The following PIK3R2 variants were observed in gnomAD, a reference collection of about 807,000 sequenced individuals.
The protein encoded by PIK3R2 is phosphoinositide-3-kinase regulatory subunit 2, also known as phosphatidylinositol 3-kinase regulatory subunit beta.
A neutral mutation model predicts 78.5 loss-of-function variants in PIK3R2; 40 were observed. The ratio of observed to expected loss-of-function variants is 0.51; its 90% CI spans 0.40 to 0.66. The LOEUF is 0.66. PIK3R2 is among the 30% of genes least tolerant of loss of function. PIK3R2 has a pLI of 0.00. For missense variants in PIK3R2, 880 were observed against 1,026.6 expected, an observed-to-expected ratio of 0.86 and a Z score of 1.95; for synonymous variants, 473 against 457.7, an observed-to-expected ratio of 1.03 and a Z score of -0.43.
At chr19:18,165,574 A>G (rs1289599510) in intron 11 of PIK3R2, among the ~76,000 whole-genome samples, 1 of 152,108 alleles carries the variant, frequency 6.6e-6, no homozygotes, top group Admixed American at 6.6e-5. Flanking sequence ...CATGTTGCCC[A>G]GGCTGGCCTC....
rs2043748485 is a variant in PIK3R2, at chr19:18,161,657, TG to T, written c.815+163del. Among the ~76,000 whole-genome samples, 1 of 152,170 alleles carries T rather than the reference TG, an allele frequency of 6.6e-6. No individual in the cohort carries two copies. The highest frequency in any genetic ancestry group is 6.5e-5 in the Admixed American group (1 of 15,282). ...ATGACGGAGCGGAGACCTGGGCTCCTGAGTCGTGGGACAGAAGGTGAAGGGG... is the reference window on the plus strand; with the variant it reads ...ATGACGGAGCGGAGACCTGGGCTCCTAGTCGTGGGACAGAAGGTGAAGGGG... On this transcript the variant is annotated intron_variant, in intron 6 of 15. Transcript: ENST00000222254. The surrounding 1 kb of genome is among the most constrained non-coding windows in gnomAD (Gnocchi z 5.3).
At chr19:18,157,692 G>A (rs1219039838) in intron 2 of PIK3R2, among the ~76,000 whole-genome samples, 7 of 150,628 alleles carry the variant, frequency 4.6e-5, no homozygotes, top group African/African-American at 7.3e-5. Context: ...CCAACCCACC[G>A]GCCAGAGTGT....
At position 18,167,059 on chromosome 19, in the gene PIK3R2, C is replaced by T; in HGVS notation, c.1560-71C>T. 7.3e-7 allele frequency: 1 copy of T among 1,367,758 alleles called. No individual in the cohort carries two copies. The highest frequency in any genetic ancestry group is 9.7e-7 in the Non-Finnish European group (1 of 1,029,202). The allele number at this position is 1,367,758 out of a possible 1,614,324, so 84.7% of individuals were successfully genotyped here. ...GCTGAGGTAGGAGGGTCACCTGAGCCCAGGAGTTTGAGGGTGCAGTGAGCC... is the reference window on the plus strand; with the variant it reads ...GCTGAGGTAGGAGGGTCACCTGAGCTCAGGAGTTTGAGGGTGCAGTGAGCC... On this transcript the variant is annotated intron_variant, in intron 12 of 15. Coordinates refer to ENST00000222254, the MANE Select transcript of PIK3R2 (RefSeq NM_005027.4). The surrounding 1 kb of genome is among the most constrained non-coding windows in gnomAD (Gnocchi z 4.5).
At chr19:18,165,193 C>G (rs933090681) in intron 11 of PIK3R2, among the ~76,000 whole-genome samples, 1 of 137,998 alleles carries the variant, frequency 7.2e-6, no homozygotes, top group Non-Finnish European at 1.6e-5. Flanking sequence ...CATGGTGAAT[C>G]CCTGTCTCTA....
Position 18,156,147 on chromosome 19 carries a change from C to T in PIK3R2, c.268C>T (p.Pro90Ser), listed in dbSNP as rs2043677655. The change falls in exon 2 of 16, where the codon CCA (proline) becomes TCA (serine). Residue 90 changes from proline (P) to serine (S), a missense_variant. Coordinates refer to ENST00000222254, the MANE Select transcript of PIK3R2 (RefSeq NM_005027.4). This position sits in a 1 kb window ranked among gnomAD's most constrained non-coding sequence, Gnocchi z 4.2. ...GGCCCTGGCCCGGCCCGGCCCTCGC[C>T]CACGGGGCCCCCGCCCACTGCCCGC... ...PVALARPGPR[P>S]RGPRPLPARP... 8.2e-6 allele frequency: 12 copies of T among 1,468,102 alleles called. No homozygotes were observed. Among genetic ancestry groups the T allele is most frequent in the South Asian group, 1.4e-5 (1 of 70,618 alleles). The allele number at this position is 1,468,102 out of a possible 1,614,324, so 90.9% of individuals were successfully genotyped here. A position where few individuals can be genotyped will look rare whatever the true frequency, so the allele number is the denominator to read the frequency against.
chr19:18,157,373 G>A (rs990971223), intron 2 of PIK3R2, among the ~76,000 whole-genome samples: 2 of 151,684 alleles, frequency 1.3e-5, no homozygotes, highest in South Asian at 2.1e-4. Flanking sequence ...ACGGCCCCAC[G>A]TGGGGCGGCT....
In PIK3R2 at chr19:18,169,287, C is replaced by G; in HGVS notation, c.2180C>G (p.Ala727Gly). ...RAPGPGPPPA[A>G]R ...CCGGGCCCCGGCCCGCCGCCTGCCG[C>G]CCGCTGAGCACCGAGGACCCGCCCC... Residue 727 changes from alanine (A) to glycine (G), a missense_variant, in exon 16 of 16, where the codon GCC becomes GGC. This residue lies in a region of PIK3R2 where 268 missense variants were observed against 299.1 expected (regional missense o/e 0.90). Transcript: ENST00000222254. The G allele has an allele frequency of 6.7e-7, 1 of 1,496,048 alleles. No individual in the cohort carries two copies. Among genetic ancestry groups the G allele is most frequent in the South Asian group, 1.3e-5 (1 of 79,304 alleles). 92.7% of individuals were successfully genotyped at this position (1,496,048 alleles called of 1,614,324 possible).
chr19:18,168,245 CAG>C lies in PIK3R2; in HGVS notation c.1737-228_1737-227del, dbSNP rs1568639789. ...TCTTGGGGGACTCCATAGGCGTTAA[CAG>C]AAACAAAAAAATGAGGGGTGTGGGT... On this transcript the variant is annotated intron_variant, in intron 13 of 15. Coordinates refer to ENST00000222254, the MANE Select transcript of PIK3R2 (RefSeq NM_005027.4). This position sits in a 1 kb window ranked among gnomAD's most constrained non-coding sequence, Gnocchi z 4.1. Among the ~76,000 whole-genome samples, 1 of 152,098 alleles carries C rather than the reference CAG, an allele frequency of 6.6e-6. No individual in the cohort carries two copies. Among genetic ancestry groups the C allele is most frequent in the Non-Finnish European group, 1.5e-5 (1 of 67,984 alleles).
In PIK3R2 at chr19:18,168,701, T is replaced by TCCCCC; in HGVS notation, c.1809-21_1809-20insCCCCC. ...GCTGGCAGGTGAGTGACCAGGGCCC[T>TCCCCC]CCCCGCCACCGCCCCCCACCCCAGC... On this transcript the variant is annotated intron_variant, in intron 14 of 15. Transcript: ENST00000222254. The surrounding 1 kb of genome is among the most constrained non-coding windows in gnomAD (Gnocchi z 4.1). The TCCCCC allele has an allele frequency of 1.5e-5, 23 of 1,563,862 alleles. No homozygotes were observed. Among genetic ancestry groups the TCCCCC allele is most frequent in the Non-Finnish European group, 1.9e-5 (22 of 1,137,454 alleles).
chr19:18,166,056 A>C (rs2043806520), intron 11 of PIK3R2, 104 bp from the exon 12 acceptor site: 2 of 1,409,904 alleles, frequency 1.4e-6, no homozygotes, highest in African/African-American at 1.4e-5. Flanking sequence ...TGATAGAGGG[A>C]CCAGCTTGAG....
In PIK3R2 at chr19:18,169,344, G is replaced by C; in HGVS notation, c.*50G>C. 8.7e-7 allele frequency: 1 copy of C among 1,143,354 alleles called. No homozygotes were observed. Among genetic ancestry groups the C allele is most frequent in the South Asian group, 2.8e-5 (1 of 36,314 alleles). 70.8% of individuals were successfully genotyped at this position (1,143,354 alleles called of 1,614,324 possible). On this transcript the variant is annotated 3_prime_UTR_variant, in exon 16 of 16. Coordinates refer to ENST00000222254, the MANE Select transcript of PIK3R2 (RefSeq NM_005027.4). ...AGCCGCCCCTGGGCCCGTCTGCGCC[G>C]GAGGCTGCGGCGGCGGGAGCCACGG...
rs1224863563 is a variant in PIK3R2 at position 18,162,953 on chromosome 19, C to T, written c.1110-14C>T. The T allele has an allele frequency of 1.2e-6, 2 of 1,611,222 alleles. No homozygotes were observed. The highest frequency in any genetic ancestry group is 1.7e-6 in the Non-Finnish European group (2 of 1,178,130). ...GGGGTCCCACTGGGTGCCGACACCCCTCTCCTCCCCCAGGAAAGGCGGGAA... is the reference window on the plus strand; with the variant it reads ...GGGGTCCCACTGGGTGCCGACACCCTTCTCCTCCCCCAGGAAAGGCGGGAA... On this transcript the variant is annotated splice_polypyrimidine_tract_variant and intron_variant, in intron 9 of 15. Coordinates refer to ENST00000222254, the MANE Select transcript of PIK3R2 (RefSeq NM_005027.4).
In PIK3R2 at chr19:18,162,979, C is replaced by T; in HGVS notation, c.1122C>T (p.Asn374=). Residue 374 remains asparagine, a synonymous_variant, in exon 10 of 16, where the codon AAC becomes AAT. Transcript: ENST00000222254. The stretch of plus-strand genomic sequence containing the variant: ...TCTCCTCCCCCAGGAAAGGCGGGAA[C>T]AATAAGCTGATCAAGGTCTTCCACC... The part of the protein sequence containing the change: ...EYTLTLRKGG[N]NKLIKVFHRD... 6.2e-7 allele frequency: 1 copy of T among 1,613,662 alleles called. No individual in the cohort carries two copies. Among genetic ancestry groups the T allele is most frequent in the South Asian group, 1.1e-5 (1 of 91,038 alleles).
rs1346042200 is a variant in PIK3R2, at chr19:18,169,525, TGGG to T, written c.*234_*236del. The stretch of plus-strand genomic sequence containing the variant: ...TCTTGGCCCCTGTCTCTCTCCATGT[TGGG>T]GGTCCTAACTCCCCCACCCCATATC... On this transcript the variant is annotated 3_prime_UTR_variant, in exon 16 of 16. Transcript: ENST00000222254. 2 of 334,216 alleles carry T rather than the reference TGGG, an allele frequency of 6.0e-6. No individual in the cohort carries two copies. The highest frequency in any genetic ancestry group is 5.0e-5 in the Admixed American group (1 of 20,002). 20.7% of individuals were successfully genotyped at this position (334,216 alleles called of 1,614,324 possible). A position where few individuals can be genotyped will look rare whatever the true frequency, so the allele number is the denominator to read the frequency against.
In PIK3R2 at chr19:18,155,759, A is replaced by T; in HGVS notation, c.-121A>T. 1 of 792,348 alleles carries T rather than the reference A, an allele frequency of 1.3e-6. No individual in the cohort carries two copies. The allele number at this position is 792,348 out of a possible 1,614,324, so 49.1% of individuals were successfully genotyped here. A position where few individuals can be genotyped will look rare whatever the true frequency, so the allele number is the denominator to read the frequency against. ...CTGTGGTCGCCTGTGACTGCTGGAG[A>T]TAGAGGTCCCAGCACCCCAAGCCAA... On this transcript the variant is annotated 5_prime_UTR_variant, in exon 2 of 16. Transcript: ENST00000222254.
rs1568632894 is a variant in PIK3R2, at chr19:18,155,730, G to A, written c.-150G>A. Reference sequence around the variant, plus strand: ...AATAATTTGAAGCGAGGCATGAGCGGCCCCTGTGGTCGCCTGTGACTGCTG... The same window carrying A: ...AATAATTTGAAGCGAGGCATGAGCGACCCCTGTGGTCGCCTGTGACTGCTG... On this transcript the variant is annotated 5_prime_UTR_variant, in exon 2 of 16. Transcript: ENST00000222254. 4.8e-6 allele frequency: 3 copies of A among 623,340 alleles called. No individual in the cohort carries two copies. The highest frequency in any genetic ancestry group is 6.4e-5 in the Admixed American group (2 of 31,350). The allele number at this position is 623,340 out of a possible 1,614,324, so 38.6% of individuals were successfully genotyped here.
intron 2 of PIK3R2, among the ~76,000 whole-genome samples, chr19:18,159,143 C>CTTTTTTT (rs2043712868): frequency 2.1e-4 from 1 of 4,836 alleles, no homozygotes; most frequent in Non-Finnish European, 4.3e-4. Flanking sequence ...CGCCTGGCCT[C>CTTTTTTT]CTTTTTTTTT....
chr19:18,163,781 T>C (rs1470474615), intron 11 of PIK3R2, among the ~76,000 whole-genome samples: 2 of 151,816 alleles, frequency 1.3e-5, no homozygotes, highest in African/African-American at 2.4e-5. Context: ...GTGATCATGC[T>C]GCTGCACTCC....
At position 18,161,185 on chromosome 19, in the gene PIK3R2, G is replaced by C. The variant is rs1437229125; in HGVS notation, c.598G>C (p.Glu200Gln). ...ASAEARRALREAAGPVGPALE... is the reference protein window; with the variant it reads ...ASAEARRALRQAAGPVGPALE... Reference sequence around the variant, plus strand: ...GGCCGAGGCGCGCCGGGCCCTGCGGGGTGAGCCTGGCGGGTAGCCCGGGGG... The same window carrying C: ...GGCCGAGGCGCGCCGGGCCCTGCGGCGTGAGCCTGGCGGGTAGCCCGGGGG... Residue 200 changes from glutamate (E) to glutamine (Q), a missense_variant and splice_region_variant, in exon 5 of 16, where the codon GAG becomes CAG. Coordinates refer to ENST00000222254, the MANE Select transcript of PIK3R2 (RefSeq NM_005027.4). This position sits in a 1 kb window ranked among gnomAD's most constrained non-coding sequence, Gnocchi z 5.3. 1.9e-6 allele frequency: 3 copies of C among 1,545,510 alleles called. No individual in the cohort carries two copies. The East Asian group carries it at 7.3e-5, about 38-fold the overall frequency.
Sources: allele counts gnomAD v4.1 joint callset (sites outside exome capture counted in the v4.1 genomes callset), GRCh38; gene constraint gnomAD v4.1.1; regional missense constraint gnomAD v4.1.1; non-coding constraint Gnocchi (gnomAD v3.1); transcripts MANE v1.5; gene names NCBI Gene and HGNC (gene_info 2026-07-23, HGNC 2026-07-21).